KLRG1: variants seen among roughly 807,000 people sequenced by gnomAD.
The protein encoded by KLRG1 is killer cell lectin-like receptor subfamily G member 1.
KLRG1 carries 16 observed loss-of-function variants against 21.8 expected under a neutral mutation model. That is an observed-to-expected ratio of 0.73 (90% CI 0.50 to 1.11). The LOEUF (loss-of-function observed/expected upper bound fraction) is 1.11, where lower values mean the gene tolerates loss of function less well. Among genes scored for constraint, KLRG1 ranks in the 50% most tolerant of loss-of-function variants. The probability of loss-of-function intolerance (pLI) is 0.00; values close to 1 mark genes in which losing one functional copy is unlikely to be tolerated. For synonymous variants in KLRG1, 69 were observed against 75.9 expected, an observed-to-expected ratio of 0.91 and a Z score of 0.47; for missense variants, 173 against 218.3, an observed-to-expected ratio of 0.79 and a Z score of 1.31.
the KLRG1 span, chr12:9,181,014 A>G: frequency 6.2e-7 from 1 of 1,614,046 alleles, no homozygotes; most frequent in Admixed American, 1.7e-5. Flanking sequence ...CTCAGGCTTC[A>G]TGAGCAGCAC....
chr12:9,138,419 A>G, the KLRG1 span, among the ~76,000 whole-genome samples: 57 of 151,894 alleles, frequency 3.8e-4, 2 homozygotes, highest in African/African-American at 1.3e-3. Context: ...AATATTTTTA[A>G]AATATTTTTT....
chr12:9,175,604 A>G, the KLRG1 span, among the ~76,000 whole-genome samples: 1 of 152,204 alleles, frequency 6.6e-6, no homozygotes, highest in Non-Finnish European at 1.5e-5. Flanking sequence ...AGGAACTTAA[A>G]CAAATTTACA....
At chr12:9,169,247 TCACA>T in the KLRG1 span, among the ~76,000 whole-genome samples, 1 of 152,178 alleles carries the variant, frequency 6.6e-6, no homozygotes, top group Non-Finnish European at 1.5e-5. Context: ...TAGCCCTGAC[TCACA>T]TACTGAGCTT....
chr12:9,074,578 G>A, the KLRG1 span: 10 of 1,611,672 alleles, frequency 6.2e-6, no homozygotes, highest in Middle Eastern at 1.6e-4. Context: ...AGGAGAAACC[G>A]CCCTGGGCAT....
At chr12:9,147,559 A>G in the KLRG1 span, among the ~76,000 whole-genome samples, 26 of 152,190 alleles carry the variant, frequency 1.7e-4, no homozygotes, top group African/African-American at 5.3e-4. Context: ...TTAGCCTTTG[A>G]ATTTCTCACA....
At chr12:8,984,869 T>C (rs1946817177), upstream of KLRG1, among the ~76,000 whole-genome samples, 2 of 152,232 alleles carry the variant, frequency 1.3e-5, no homozygotes, top group Non-Finnish European at 2.9e-5. Flanking sequence ...GGCTAATCTG[T>C]GTTATGTATC....
At chr12:9,132,816 A>T in the KLRG1 span, among the ~76,000 whole-genome samples, 1 of 152,224 alleles carries the variant, frequency 6.6e-6, no homozygotes, top group Non-Finnish European at 1.5e-5. Flanking sequence ...ACAATTTTCT[A>T]ATAAAGTATT....
chr12:9,164,282 G>C, the KLRG1 span: 1 of 1,609,396 alleles, frequency 6.2e-7, no homozygotes, highest in Non-Finnish European at 8.5e-7. Context: ...GTGAGGCAGA[G>C]ACAGAAATGA....
the KLRG1 span, among the ~76,000 whole-genome samples, chr12:9,076,227 A>C: frequency 6.6e-6 from 1 of 152,036 alleles, no homozygotes; most frequent in African/African-American, 2.4e-5. Context: ...TGATATGTTA[A>C]TTGTAATAAC....
the KLRG1 span, chr12:9,200,517 A>G: frequency 1.6e-6 from 2 of 1,242,776 alleles, no homozygotes; most frequent in Admixed American, 2.0e-5. Context: ...TAATTTCAGT[A>G]TGTCTATAAT....
chr12:8,997,860 C>T (rs1947182054), intron 3 of KLRG1, among the ~76,000 whole-genome samples: 1 of 151,994 alleles, frequency 6.6e-6, no homozygotes, highest in Admixed American at 6.6e-5. Context: ...AATCTCGGCT[C>T]ACTGCAACCT....
chr12:9,028,882 G>GC, the KLRG1 span: 4 of 639,132 alleles, frequency 6.3e-6, no homozygotes, highest in South Asian at 5.5e-5. Context: ...ATTCGTGGCC[G>GC]CATCCACCTC....
intron 1 of KLRG1, among the ~76,000 whole-genome samples, chr12:8,977,960 G>A (rs1946685043): frequency 6.6e-6 from 1 of 152,102 alleles, no homozygotes; most frequent in South Asian, 2.1e-4. Context: ...CTGGGTTCAA[G>A]CGATTCTCCT....
the KLRG1 span, chr12:9,157,308 A>G: frequency 1.2e-6 from 2 of 1,614,106 alleles, no homozygotes; most frequent in Non-Finnish European, 8.5e-7. Flanking sequence ...CCTTTGCTAC[A>G]TTCCAGGCTG....
the KLRG1 span, chr12:9,162,662 A>C: frequency 6.4e-7 from 1 of 1,573,872 alleles, no homozygotes; most frequent in South Asian, 1.1e-5. Flanking sequence ...GGATGAAAGG[A>C]AAGAAAAGGA....
At chr12:9,157,175 C>G in the KLRG1 span, 13 of 1,612,150 alleles carry the variant, frequency 8.1e-6, no homozygotes, top group Admixed American at 1.0e-4. Flanking sequence ...GTGCTCTCAC[C>G]TTCTTTCACA....
At chr12:9,104,406 G>T in the KLRG1 span, 1 of 1,576,406 alleles carries the variant, frequency 6.3e-7, no homozygotes. Context: ...CGCACCTGAA[G>T]ATTAAAAGCT....
At chr12:9,084,100 T>C in the KLRG1 span, among the ~76,000 whole-genome samples, 1 of 152,166 alleles carries the variant, frequency 6.6e-6, no homozygotes, top group Non-Finnish European at 1.5e-5. Context: ...CAAAGCTGTC[T>C]TTCAGAAATG....
the KLRG1 span, chr12:9,164,311 C>T: frequency 0.42 from 661,736 of 1,569,710 alleles, 140,546 homozygotes; most frequent in East Asian, 0.46. Context: ...TGGAACGACA[C>T]GAACACATAG....
Sources: gnomAD v4.1 joint callset for allele counts (sites outside exome capture counted in the v4.1 genomes callset) on GRCh38, gnomAD v4.1.1 for gene constraint, MANE v1.5 for transcripts, NCBI Gene and HGNC (gene_info 2026-07-23, HGNC 2026-07-21) for gene names.